FOXO3: variants seen among roughly 807,000 people sequenced by gnomAD.
The protein encoded by FOXO3 is forkhead box protein O3.
A neutral mutation model predicts 41.9 loss-of-function variants in FOXO3; 4 were observed. That is an observed-to-expected ratio of 0.10 (90% confidence interval 0.05 to 0.22). FOXO3 has a LOEUF of 0.22. Among genes scored for constraint, FOXO3 ranks in the 10% least tolerant of loss-of-function variants. FOXO3 has a pLI of 1.00. For synonymous variants in FOXO3, 318 were observed against 389.3 expected, an observed-to-expected ratio of 0.82 and a Z score of 2.16; for missense variants, 534 against 906.8, an observed-to-expected ratio of 0.59 and a Z score of 5.28.
At chr6:108,575,279 C>G (rs1339802820) in intron 1 of FOXO3, among the ~76,000 whole-genome samples, 1 of 151,156 alleles carries the variant, frequency 6.6e-6, no homozygotes, top group Non-Finnish European at 1.5e-5. Context: ...AGCATAATTG[C>G]TTTGGTTCCA....
chr6:108,586,803 G>A (rs1409860518), intron 1 of FOXO3, among the ~76,000 whole-genome samples: 1 of 151,966 alleles, frequency 6.6e-6, no homozygotes, highest in African/African-American at 2.4e-5. Context: ...TGGTGTACTC[G>A]ACCCTCCAGT....
rs1366684303 is a variant in FOXO3 at position 108,681,212 on chromosome 6, A to T, written c.*1420A>T. ...CACCTTTGGTACATAAGAAATTGGT[A>T]TAACGATGCTCTGATTAGCACAGTA... On this transcript the variant is annotated 3_prime_UTR_variant, in exon 3 of 3. Coordinates refer to ENST00000406360, the MANE Select transcript of FOXO3 (RefSeq NM_001455.4). 3 of 152,688 alleles carry T rather than the reference A, an allele frequency of 2.0e-5. No individual in the cohort carries two copies. Among genetic ancestry groups the T allele is most frequent in the Non-Finnish European group, 4.4e-5 (3 of 68,050 alleles). The allele number at this position is 152,688 out of a possible 1,614,324, so 9.5% of individuals were successfully genotyped here. A position where few individuals can be genotyped will look rare whatever the true frequency, so the allele number is the denominator to read the frequency against.
chr6:108,675,777 C>G (rs2128392091), intron 2 of FOXO3, among the ~76,000 whole-genome samples: 1 of 152,276 alleles, frequency 6.6e-6, no homozygotes, highest in South Asian at 2.1e-4. Flanking sequence ...CTTATGATCT[C>G]TTTTTCCTTC....
chr6:108,653,613 C>A (rs1307704012), intron 1 of FOXO3, among the ~76,000 whole-genome samples: 1 of 152,094 alleles, frequency 6.6e-6, no homozygotes, highest in African/African-American at 2.4e-5. Context: ...CTCCATGTTC[C>A]CCAGCTATTG....
At chr6:108,670,970 T>C (rs1428146333) in intron 2 of FOXO3, among the ~76,000 whole-genome samples, 1 of 152,094 alleles carries the variant, frequency 6.6e-6, no homozygotes, top group African/African-American at 2.4e-5. Flanking sequence ...GGGATAGAAG[T>C]GGGTAAAAAG....
chr6:108,664,113 C>G lies in FOXO3; in HGVS notation c.1280C>G (p.Thr427Ser). ...AAGGGCTCGGGCCTGGGCTCCCCAA[C>G]CAGCTCCTTTAACAGCACGGTGTTC... The part of the protein sequence containing the change: ...TTKGSGLGSP[T>S]SSFNSTVFGP... Residue 427 changes from threonine (T) to serine (S), a missense_variant, in exon 2 of 3, where the codon ACC becomes AGC. Thr to Ser is a moderately conservative substitution (Grantham distance 58). Around this residue, in one of 8 missense-constraint regions of FOXO3, gnomAD observed 185 missense variants for 224.9 expected, o/e 0.82. Coordinates refer to ENST00000406360, the MANE Select transcript of FOXO3 (RefSeq NM_001455.4). 6.2e-7 allele frequency: 1 copy of G among 1,614,204 alleles called. No homozygotes were observed. Among genetic ancestry groups the G allele is most frequent in the Non-Finnish European group, 8.5e-7 (1 of 1,180,042 alleles).
intron 1 of FOXO3, among the ~76,000 whole-genome samples, chr6:108,581,668 T>TA (rs1435777737): frequency 1.3e-5 from 2 of 149,840 alleles, no homozygotes; most frequent in East Asian, 3.9e-4. Context: ...TGGAGTAGTT[T>TA]AAAAAAAAAA....
chr6:108,683,050 C>A lies in FOXO3; in HGVS notation c.*3258C>A, dbSNP rs1424306922. On this transcript the variant is annotated 3_prime_UTR_variant, in exon 3 of 3. Transcript: ENST00000406360. ...TGCCAGGCTCAGTGTACCCCATTAACTGTGAATGAATCTGAGCTTGGTTTC... is the reference window on the plus strand; with the variant it reads ...TGCCAGGCTCAGTGTACCCCATTAAATGTGAATGAATCTGAGCTTGGTTTC... 6.6e-6 allele frequency: 1 copy of A among 152,660 alleles called. No homozygotes were observed. The highest frequency in any genetic ancestry group is 6.5e-5 in the Admixed American group (1 of 15,282). 9.5% of individuals were successfully genotyped at this position (152,660 alleles called of 1,614,324 possible).
intron 1 of FOXO3, among the ~76,000 whole-genome samples, chr6:108,631,193 G>A (rs551171776): frequency 6.6e-6 from 1 of 152,168 alleles, no homozygotes; most frequent in Non-Finnish European, 1.5e-5. Flanking sequence ...TCATTTGAGT[G>A]TGTTTTATGT....
chr6:108,604,653 A>C (rs902337164), intron 1 of FOXO3, among the ~76,000 whole-genome samples: 2 of 152,200 alleles, frequency 1.3e-5, no homozygotes. Flanking sequence ...CAGTGAATGC[A>C]GCCAAAGAAA....
intron 1 of FOXO3, among the ~76,000 whole-genome samples, chr6:108,635,961 A>G (rs1284685193): frequency 1.3e-5 from 2 of 152,236 alleles, no homozygotes; most frequent in Non-Finnish European, 2.9e-5. Flanking sequence ...TCAGAAAAAA[A>G]GAAAGCTGTT....
chr6:108,653,220 T>C (rs904181834), intron 1 of FOXO3, among the ~76,000 whole-genome samples: 1 of 152,218 alleles, frequency 6.6e-6, no homozygotes, highest in African/African-American at 2.4e-5. Context: ...TGTTAAAGTA[T>C]AATTCAGGTC....
chr6:108,642,106 T>TTTTG (rs1778276508), intron 1 of FOXO3, among the ~76,000 whole-genome samples: 1 of 150,802 alleles, frequency 6.6e-6, no homozygotes. Context: ...TTTTTTTTTT[T>TTTTG]GAGACAGGGT....
rs1189109534 is a variant in FOXO3 at position 108,684,435 on chromosome 6, A to G, written c.*4643A>G. 2.6e-5 allele frequency: 4 copies of G among 152,264 alleles called. No individual in the cohort carries two copies. Among genetic ancestry groups the G allele is most frequent in the African/African-American group, 9.7e-5 (4 of 41,448 alleles). The allele number at this position is 152,264 out of a possible 1,614,324, so 9.4% of individuals were successfully genotyped here. A position where few individuals can be genotyped will look rare whatever the true frequency, so the allele number is the denominator to read the frequency against. On this transcript the variant is annotated 3_prime_UTR_variant, in exon 3 of 3. Coordinates refer to ENST00000406360, the MANE Select transcript of FOXO3 (RefSeq NM_001455.4). ...CATATCCCATATAATCTAGAACTAA[A>G]TATGGTGTGTGGCCATATTTAAACA... is the stretch of plus-strand genomic sequence containing the variant.
At chr6:108,662,945 A>G (rs1562262665) in intron 1 of FOXO3, among the ~76,000 whole-genome samples, 1 of 152,188 alleles carries the variant, frequency 6.6e-6, no homozygotes, top group Admixed American at 6.5e-5. Context: ...TGGACATGAA[A>G]TCATCTCCCT....
chr6:108,587,681 A>C (rs1408786598), intron 1 of FOXO3, among the ~76,000 whole-genome samples: 2 of 152,160 alleles, frequency 1.3e-5, no homozygotes, highest in African/African-American at 4.8e-5. Flanking sequence ...TTTAAAGTAC[A>C]ATGTACTCTC....
chr6:108,577,107 T>G (rs1432692187), intron 1 of FOXO3, among the ~76,000 whole-genome samples: 1 of 152,192 alleles, frequency 6.6e-6, no homozygotes, highest in Non-Finnish European at 1.5e-5. Flanking sequence ...AGGGAGAAAT[T>G]TTATTGTTTT....
chr6:108,675,457 A>G (rs1252322180), intron 2 of FOXO3, among the ~76,000 whole-genome samples: 1 of 152,220 alleles, frequency 6.6e-6, no homozygotes, highest in African/African-American at 2.4e-5. Flanking sequence ...ACTGGGAGGC[A>G]GTGCAAGGCA....
intron 1 of FOXO3, among the ~76,000 whole-genome samples, chr6:108,568,997 C>T (rs2128356335): frequency 6.6e-6 from 1 of 152,344 alleles, no homozygotes; most frequent in South Asian, 2.1e-4. Flanking sequence ...CATCAACATG[C>T]AGTGTCGAGA....
Sources: allele counts gnomAD v4.1 joint callset (sites outside exome capture counted in the v4.1 genomes callset), GRCh38; gene constraint gnomAD v4.1.1; regional missense constraint gnomAD v4.1.1; transcripts MANE v1.5; gene names NCBI Gene and HGNC (gene_info 2026-07-23, HGNC 2026-07-21).